The following TMPRSS9 variants were observed in gnomAD, a reference collection of about 807,000 sequenced individuals.
TMPRSS9 encodes the protein transmembrane protease serine 9.
A neutral mutation model predicts 111.4 loss-of-function variants in TMPRSS9; 113 were observed. The ratio of observed to expected loss-of-function variants is 1.01; its 90% CI spans 0.87 to 1.19. The LOEUF is 1.19. Among genes scored for constraint, TMPRSS9 ranks in the 50% most tolerant of loss-of-function variants. TMPRSS9 has a pLI of 0.00. For missense variants in TMPRSS9, 1,803 were observed against 1,513.1 expected, an observed-to-expected ratio of 1.19 and a Z score of -3.18; for synonymous variants, 805 against 659.1, an observed-to-expected ratio of 1.22 and a Z score of -3.39.
intron 13 of TMPRSS9, among the ~76,000 whole-genome samples, 194 bp downstream of exon 14, chr19:2,418,332 T>TTCCC: frequency 9.1e-5 from 3 of 32,810 alleles, no homozygotes; most frequent in African/African-American, 2.9e-4. Flanking sequence ...CCTCCCTCCC[T>TTCCC]TTCCTTCCCT....
intron 1 of TMPRSS9, among the ~76,000 whole-genome samples, chr19:2,390,294 G>A (rs1358496601): frequency 1.1e-5 from 1 of 92,984 alleles, no homozygotes; most frequent in African/African-American, 3.6e-5. Context: ...AGGCTGGAGT[G>A]CAGTGGTGTG....
At chr19:2,415,251 C>T (rs1971200510) in intron 10 of TMPRSS9, among the ~76,000 whole-genome samples, 2 of 152,158 alleles carry the variant, frequency 1.3e-5, no homozygotes, top group South Asian at 2.1e-4. Flanking sequence ...GGCCATGCTT[C>T]ATTTCAGTTC....
chr19:2,413,919 C>A lies in TMPRSS9; in HGVS notation c.1474C>A (p.Pro492Thr). The A allele has an allele frequency of 1.9e-6, 3 of 1,612,742 alleles. No individual in the cohort carries two copies. In the South Asian group the frequency reaches 3.3e-5, roughly 18 times the overall value. The change falls in exon 10 of 18, where the codon CCC (proline) becomes ACC (threonine). Residue 492 changes from proline (P) to threonine (T), a missense_variant. Transcript: ENST00000648592. ...CCCTGCCGCCCCCAGCACAGCCTGG[C>A]CCACCAGTCCTGAGAGCCCTGTGGT... is the stretch of plus-strand genomic sequence containing the variant.
intron 4 of TMPRSS9, among the ~76,000 whole-genome samples, chr19:2,399,713 T>G (rs1266902494): frequency 6.6e-6 from 1 of 152,138 alleles, no homozygotes; most frequent in Non-Finnish European, 1.5e-5. Context: ...TCTTCTCTTT[T>G]CTTTTCCATT....
intron 1 of TMPRSS9, among the ~76,000 whole-genome samples, chr19:2,393,920 A>C (rs1293862042): frequency 8.5e-6 from 1 of 118,098 alleles, no homozygotes; most frequent in Non-Finnish European, 1.9e-5. Context: ...AAAAAAAAAA[A>C]AGCTGGGCGC....
Position 2,418,128 on chromosome 19 carries a change from A to T in TMPRSS9, c.2144A>T (p.Asp715Val), listed in dbSNP as rs1971294410. 1.2e-6 allele frequency: 2 copies of T among 1,610,864 alleles called. 1 individual carries two copies. Among genetic ancestry groups the T allele is most frequent in the East Asian group, 4.5e-5 (2 of 44,830 alleles). ...GCAGGCTTCCTGGAAGGCAAAGTCG[A>T]CTCCTGCCAGGTAAGCATTCAAAGG... The change falls in exon 13 of 18, where the codon GAC (aspartate) becomes GTC (valine). Residue 715 changes from aspartate to valine, a missense_variant. By Grantham distance (152) the Asp-to-Val change is radical (BLOSUM62 -3). Coordinates refer to ENST00000648592, the Ensembl canonical transcript of TMPRSS9.
At chr19:2,426,084 A>C in exon 18 of TMPRSS9, 1 of 1,599,654 alleles carries the variant, frequency 6.3e-7, no homozygotes, top group Non-Finnish European at 8.5e-7. Context: ...CACATCCAGG[A>C]GTGACCACCA....
chr19:2,401,021 T>C (rs1194114995), intron 4 of TMPRSS9, among the ~76,000 whole-genome samples: 2 of 149,088 alleles, frequency 1.3e-5, no homozygotes, highest in Non-Finnish European at 3.0e-5. Context: ...ACGCCTGTAA[T>C]CCCAGCACTT....
chr19:2,363,680 C>G (rs961964044), intron 1 of TMPRSS9, among the ~76,000 whole-genome samples: 13 of 151,440 alleles, frequency 8.6e-5, no homozygotes, highest in African/African-American at 3.2e-4. Context: ...GCCCCTCGGT[C>G]CCCCAGGCTC....
chr19:2,409,225 C>G (rs945644588), intron 8 of TMPRSS9, among the ~76,000 whole-genome samples: 1 of 149,806 alleles, frequency 6.7e-6, no homozygotes, highest in Admixed American at 6.7e-5. Context: ...ACTGCAGCCT[C>G]CGCCTCCGGG....
intron 11 of TMPRSS9, 134 bp downstream of exon 12, chr19:2,415,975 A>G (rs1971222460): frequency 2.7e-6 from 3 of 1,091,050 alleles, no homozygotes; most frequent in Non-Finnish European, 3.7e-6. Context: ...AGGGCAGCTG[A>G]GAGACAGGAG....
intron 14 of TMPRSS9, among the ~76,000 whole-genome samples, chr19:2,423,035 T>C (rs1409576077): frequency 6.7e-6 from 1 of 149,960 alleles, no homozygotes; most frequent in Non-Finnish European, 1.5e-5. Flanking sequence ...CCAGCCTGGG[T>C]GACACAGCCT....
intron 1 of TMPRSS9, among the ~76,000 whole-genome samples, chr19:2,373,284 G>A (rs982293676): frequency 6.6e-6 from 1 of 152,142 alleles, no homozygotes; most frequent in Non-Finnish European, 1.5e-5. Context: ...AGGCCGGAGT[G>A]CAATGGAGCA....
At chr19:2,426,040 C>T (rs759515840) in exon 18 of TMPRSS9, 12 of 1,609,368 alleles carry the variant, frequency 7.5e-6, no homozygotes, top group South Asian at 5.5e-5. Flanking sequence ...GTGTCTATAC[C>T]CGGGTGGCAG....
At chr19:2,363,123 G>A (rs1042901080) in intron 1 of TMPRSS9, among the ~76,000 whole-genome samples, 2 of 152,198 alleles carry the variant, frequency 1.3e-5, no homozygotes, top group Non-Finnish European at 1.5e-5. Context: ...TGTGTGCCCC[G>A]CTGCCCACAG....
intron 1 of TMPRSS9, among the ~76,000 whole-genome samples, chr19:2,366,876 A>T (rs1417958592): frequency 6.6e-6 from 1 of 150,482 alleles, no homozygotes; most frequent in Non-Finnish European, 1.5e-5. Flanking sequence ...AAAAAAAAAA[A>T]GACATGGGCC....
At chr19:2,423,228 C>G (rs1971505853) in intron 14 of TMPRSS9, among the ~76,000 whole-genome samples, 1 of 151,802 alleles carries the variant, frequency 6.6e-6, no homozygotes, top group Admixed American at 6.6e-5. Flanking sequence ...TTTTCAATAG[C>G]TATGGCGTGG....
chr19:2,394,349 T>G (rs946557681), intron 1 of TMPRSS9, among the ~76,000 whole-genome samples: 1 of 151,980 alleles, frequency 6.6e-6, no homozygotes, highest in African/African-American at 2.4e-5. Flanking sequence ...ATTGTGCCAC[T>G]GCACTGAAGC....
chr19:2,363,086 T>G (rs1258640450), intron 1 of TMPRSS9, among the ~76,000 whole-genome samples: 1 of 152,186 alleles, frequency 6.6e-6, no homozygotes, highest in Non-Finnish European at 1.5e-5. Context: ...GCCGCCTGCT[T>G]GTCCTGCCAC....
Sources: gnomAD v4.1 joint callset for allele counts (sites outside exome capture counted in the v4.1 genomes callset) on GRCh38, gnomAD v4.1.1 for gene constraint, MANE v1.5 for transcripts, NCBI Gene and HGNC (gene_info 2026-07-23, HGNC 2026-07-21) for gene names.